DCLK3: variants seen among roughly 807,000 people sequenced by gnomAD.
The protein encoded by DCLK3 is serine/threonine-protein kinase DCLK3.
In DCLK3, 30 loss-of-function variants were observed where a neutral mutation model predicts 46.4. That is an observed-to-expected ratio of 0.65 (90% CI 0.48 to 0.88). The LOEUF (loss-of-function observed/expected upper bound fraction) is 0.88, where lower values mean the gene tolerates loss of function less well. Ranked by LOEUF, DCLK3 falls within the 40% of genes least tolerant of loss-of-function variation. The pLI is 0.00. For missense variants in DCLK3, 846 were observed against 907.1 expected (o/e 0.93, Z 0.87); for synonymous variants, 401 against 339.2 (o/e 1.18, Z -2.00).
intron 1 of DCLK3, among the ~76,000 whole-genome samples, chr3:36,753,927 G>A (rs1315127581): frequency 6.6e-6 from 1 of 152,094 alleles, no homozygotes; most frequent in Non-Finnish European, 1.5e-5. Context: ...GACCTCTCGC[G>A]CCTCGGCCTC....
chr3:36,719,507 T>C (rs896307488), intron 3 of DCLK3, among the ~76,000 whole-genome samples: 4 of 152,240 alleles, frequency 2.6e-5, no homozygotes, highest in Non-Finnish European at 4.4e-5. Context: ...GAAATGTCCC[T>C]TGGCCTCTGT....
intron 2 of DCLK3, among the ~76,000 whole-genome samples, chr3:36,732,287 T>C (rs1701208228): frequency 6.6e-6 from 1 of 152,226 alleles, no homozygotes; most frequent in Admixed American, 6.5e-5. Context: ...AAAGAAAACC[T>C]CAGTCCTCAA....
At chr3:36,721,743 T>G in intron 2 of DCLK3, 84 bp from the exon 3 acceptor site, 1 of 1,554,254 alleles carries the variant, frequency 6.4e-7, no homozygotes. Context: ...CCATGCAAGG[T>G]CAAGAAAAGC....
chr3:36,755,734 A>G (rs1454946158), intron 1 of DCLK3, among the ~76,000 whole-genome samples: 3 of 152,176 alleles, frequency 2.0e-5, no homozygotes, highest in African/African-American at 7.2e-5. Flanking sequence ...GTGGCACCCA[A>G]AAAACGACAG....
chr3:36,715,384 T>TG lies in DCLK3; in HGVS notation c.2397dup (p.Ser800GlnfsTer39). ...TGGCTCCGGAAGTGACCCTCGCTGC[T>TG]GGGGGACACCTGCTTCTGTCGTTTC... On this transcript the variant is annotated frameshift_variant, in exon 5 of 5. Transcript: ENST00000636136. LOFTEE classifies it high-confidence loss of function. 6.2e-7 allele frequency: 1 copy of TG among 1,614,170 alleles called. No homozygotes were observed. The highest frequency in any genetic ancestry group is 1.3e-5 in the African/African-American group (1 of 75,046).
In DCLK3 at chr3:36,764,131, C is replaced by A; in HGVS notation, c.82+51G>T. 1 of 329,662 alleles carries A rather than the reference C, an allele frequency of 3.0e-6. No homozygotes were observed. Among genetic ancestry groups the A allele is most frequent in the Non-Finnish European group, 5.5e-6 (1 of 180,898 alleles). 20.4% of individuals were successfully genotyped at this position (329,662 alleles called of 1,614,324 possible). On this transcript the variant is annotated intron_variant, in intron 1 of 4. Coordinates refer to ENST00000636136, the MANE Select transcript of DCLK3 (RefSeq NM_001394672.2). The surrounding 1 kb of genome is among the most constrained non-coding windows in gnomAD (Gnocchi z 4.9). The stretch of plus-strand genomic sequence containing the variant: ...TTAGGGCGAATGAGTCCTCCCGCCC[C>A]CGCCAAGGTGGCGCCCAGAACGGGT...
chr3:36,721,097 G>A (rs937135129), intron 3 of DCLK3, among the ~76,000 whole-genome samples: 2 of 152,172 alleles, frequency 1.3e-5, no homozygotes, highest in Non-Finnish European at 2.9e-5. Flanking sequence ...AGTTCATGGA[G>A]GAAAATGGGA....
At chr3:36,730,525 T>C (rs1279219353) in intron 2 of DCLK3, among the ~76,000 whole-genome samples, 1 of 152,182 alleles carries the variant, frequency 6.6e-6, no homozygotes, top group Non-Finnish European at 1.5e-5. Context: ...TTCAAATAAA[T>C]ATGTAATCTC....
In DCLK3 at chr3:36,751,092, C is replaced by T. The variant is rs1203164598; in HGVS notation, c.83-12008G>A. Among the ~76,000 whole-genome samples the T allele has an allele frequency of 2.9e-5, 3 of 101,906 alleles. No individual in the cohort carries two copies. The East Asian group carries it at 6.4e-4, about 22-fold the overall frequency. The allele number at this position is 101,906 out of a possible 152,430, so 66.9% of individuals were successfully genotyped here. A position where few individuals can be genotyped will look rare whatever the true frequency, so the allele number is the denominator to read the frequency against. ...AAAAAAAAAAAAAAAAAAAACTCCC[C>T]GAAGTGTATTAAGATTCCAAACGAA... On this transcript the variant is annotated intron_variant, in intron 1 of 4. Coordinates refer to ENST00000636136, the MANE Select transcript of DCLK3 (RefSeq NM_001394672.2).
chr3:36,720,409 A>T (rs6805782), intron 3 of DCLK3, among the ~76,000 whole-genome samples: 19,639 of 152,174 alleles, frequency 0.13, 1,673 homozygotes, highest in Non-Finnish European at 0.19. Flanking sequence ...AAACCTGACT[A>T]ATATACCAAC....
In DCLK3 at chr3:36,720,559, C is replaced by T. The variant is rs936479189; in HGVS notation, c.2092+968G>A. Among the ~76,000 whole-genome samples, 5 of 142,572 alleles carry T rather than the reference C, an allele frequency of 3.5e-5. No individual in the cohort carries two copies. The South Asian group carries it at 8.8e-4, about 25-fold the overall frequency. The allele number at this position is 142,572 out of a possible 152,430, so 93.5% of individuals were successfully genotyped here. A position where few individuals can be genotyped will look rare whatever the true frequency, so the allele number is the denominator to read the frequency against. On this transcript the variant is annotated intron_variant, in intron 3 of 4. Coordinates refer to ENST00000636136, the MANE Select transcript of DCLK3 (RefSeq NM_001394672.2). ...CACTCTTGTTGCCCAGGCTGGAGTG[C>T]AATGGCACGATCTTGGCTCACTGCA...
intron 2 of DCLK3, among the ~76,000 whole-genome samples, chr3:36,732,504 G>A (rs1261444300): frequency 6.6e-6 from 1 of 152,144 alleles, no homozygotes; most frequent in Non-Finnish European, 1.5e-5. Flanking sequence ...AATATACCCC[G>A]CAGTTCTCCA....
At position 36,737,115 on chromosome 3, in the gene DCLK3, G is replaced by A. The variant is rs1026853294; in HGVS notation, c.1959+93C>T. ...AATAACATAAAAGTAAAATTCTAGT[G>A]TGTAAAGGTGACAGAGTATAAAACA... On this transcript the variant is annotated intron_variant, in intron 2 of 4. Transcript: ENST00000636136. The surrounding 1 kb of genome is among the most constrained non-coding windows in gnomAD (Gnocchi z 4.4). 116 of 1,453,568 alleles carry A rather than the reference G, an allele frequency of 8.0e-5. No homozygotes were observed. Among genetic ancestry groups the A allele is most frequent in the Non-Finnish European group, 1.0e-4 (111 of 1,091,328 alleles). 90.0% of individuals were successfully genotyped at this position (1,453,568 alleles called of 1,614,324 possible).
chr3:36,741,667 T>C (rs1301051332), intron 1 of DCLK3, among the ~76,000 whole-genome samples: 1 of 152,148 alleles, frequency 6.6e-6, no homozygotes, highest in Non-Finnish European at 1.5e-5. Context: ...GCTGGACCAG[T>C]TGTCCACACG....
At position 36,715,499 on chromosome 3, in the gene DCLK3, C is replaced by T. The variant is rs746967421; in HGVS notation, c.2283G>A (p.Arg761=). Reference sequence around the variant, plus strand: ...GCTTTTTGGGGTCTACCACCAGCAACCGGCTCACCAGATCTTTAGCAGCTG... The same window carrying T: ...GCTTTTTGGGGTCTACCACCAGCAATCGGCTCACCAGATCTTTAGCAGCTG... ...ISDAAKDLVS[R]LLVVDPKKRY... is the part of the protein sequence containing the mutation. The change falls in exon 5 of 5, where the codon CGG becomes CGA. Residue 761 remains arginine (R), a synonymous_variant. Coordinates refer to ENST00000636136, the MANE Select transcript of DCLK3 (RefSeq NM_001394672.2). 1.3e-6 allele frequency: 2 copies of T among 1,532,910 alleles called. No homozygotes were observed. The highest frequency in any genetic ancestry group is 1.3e-5 in the South Asian group (1 of 78,002). The allele number at this position is 1,532,910 out of a possible 1,614,324, so 95.0% of individuals were successfully genotyped here. A position where few individuals can be genotyped will look rare whatever the true frequency, so the allele number is the denominator to read the frequency against.
intron 1 of DCLK3, among the ~76,000 whole-genome samples, chr3:36,749,839 G>GT (rs1701424150): frequency 6.6e-6 from 1 of 152,296 alleles, no homozygotes; most frequent in Non-Finnish European, 1.5e-5. Flanking sequence ...GAAAAGAAAT[G>GT]TTTTTTAAAA....
At chr3:36,717,254 C>A (rs962495019) in intron 4 of DCLK3, among the ~76,000 whole-genome samples, 1 of 152,118 alleles carries the variant, frequency 6.6e-6, no homozygotes, top group East Asian at 1.9e-4. Flanking sequence ...CAACTGGGAC[C>A]ACCCCTGGCT....
intron 2 of DCLK3, among the ~76,000 whole-genome samples, chr3:36,728,217 A>G (rs1701148283): frequency 6.6e-6 from 1 of 152,206 alleles, no homozygotes; most frequent in African/African-American, 2.4e-5. Flanking sequence ...GCTGAATAAG[A>G]ACGCATCCCT....
chr3:36,726,840 A>C (rs555526201), intron 2 of DCLK3, among the ~76,000 whole-genome samples: 3 of 152,342 alleles, frequency 2.0e-5, no homozygotes, highest in Non-Finnish European at 4.4e-5. Flanking sequence ...AATTACCAGA[A>C]TAATTTAAGA....
Sources: allele counts gnomAD v4.1 joint callset (sites outside exome capture counted in the v4.1 genomes callset), GRCh38; gene constraint gnomAD v4.1.1; non-coding constraint Gnocchi (gnomAD v3.1); transcripts MANE v1.5; gene names NCBI Gene and HGNC (gene_info 2026-07-23, HGNC 2026-07-21).